The following OVCH2 variants were observed in gnomAD, a reference collection of about 807,000 sequenced individuals.
The protein encoded by OVCH2 is ovochymase 2.
OVCH2 carries 88 observed loss-of-function variants against 73.7 expected under a neutral mutation model. That is an observed-to-expected ratio of 1.19 (90% confidence interval 1.01 to 1.43). The LOEUF (loss-of-function observed/expected upper bound fraction) is 1.43, where lower values mean the gene tolerates loss of function less well. Among genes scored for constraint, OVCH2 ranks in the 40% most tolerant of loss-of-function variants. The pLI is 0.00. For missense variants in OVCH2, 706 were observed against 674.5 expected, an observed-to-expected ratio of 1.05 and a Z score of -0.52; for synonymous variants, 265 against 234.5, an observed-to-expected ratio of 1.13 and a Z score of -1.19.
At chr11:7,682,221 C>G in the OVCH2 span, among the ~76,000 whole-genome samples, 1 of 152,238 alleles carries the variant, frequency 6.6e-6, no homozygotes, top group Non-Finnish European at 1.5e-5. Flanking sequence ...GATTCTCTGC[C>G]TTCTCCAACA....
downstream of OVCH2, among the ~76,000 whole-genome samples, chr11:7,685,857 C>T (rs1856136869): frequency 6.6e-6 from 1 of 152,162 alleles, no homozygotes; most frequent in South Asian, 2.1e-4. Flanking sequence ...CTTTCCAGAA[C>T]TGTTTTTCAG....
chr11:7,706,423 T>C lies in OVCH2; in HGVS notation c.-29A>G, dbSNP rs1038850326. On this transcript the variant is annotated 5_prime_UTR_variant, in exon 1 of 16. Coordinates refer to ENST00000533663, the MANE Select transcript of OVCH2 (RefSeq NM_198185.7). Reference sequence around the variant, plus strand: ...GAGACTCATAGTTTTTCCCTGAAATTTTAGAGAGACTAAAGCAAACAAAAA... The same window carrying C: ...GAGACTCATAGTTTTTCCCTGAAATCTTAGAGAGACTAAAGCAAACAAAAA... 2.6e-6 allele frequency: 4 copies of C among 1,547,842 alleles called. No homozygotes were observed. Among genetic ancestry groups the C allele is most frequent in the African/African-American group, 1.4e-5 (1 of 73,020 alleles).
At position 7,696,505 on chromosome 11, in the gene OVCH2, G is replaced by A. The variant is rs747008993; in HGVS notation, c.1101C>T (p.His367=). 34 of 1,613,850 alleles carry A rather than the reference G, an allele frequency of 2.1e-5. No individual in the cohort carries two copies. In the African/African-American group the frequency reaches 3.9e-4, roughly 18 times the overall value. The change falls in exon 10 of 16, where the codon CAC becomes CAT. Residue 367 remains histidine, a synonymous_variant. Coordinates refer to ENST00000533663, the MANE Select transcript of OVCH2 (RefSeq NM_198185.7). The stretch of plus-strand genomic sequence containing the variant: ...CTAAAGAATACATTGACAGGTAACT[G>A]TGGTGACAAGACTCAACATCTAGGT... ...FSHLDVESCH[H]SYLSMYSLED...
chr11:7,694,608 TTTTG>T (rs398115023), intron 12 of OVCH2, among the ~76,000 whole-genome samples: 2,278 of 74,730 alleles, frequency 0.03, 25 homozygotes, highest in Middle Eastern at 0.056. Context: ...AACACAAAGT[TTTTG>T]TTTTGTTTTG....
intron 12 of OVCH2, 82 bp from the exon 13 acceptor site, chr11:7,692,077 C>G: frequency 4.0e-6 from 4 of 1,011,584 alleles, no homozygotes; most frequent in Non-Finnish European, 6.0e-6. Flanking sequence ...ATTTGGATTG[C>G]TCAACTTGTT....
At chr11:7,702,664 G>T (rs1406407586) in intron 3 of OVCH2, among the ~76,000 whole-genome samples, 1 of 152,158 alleles carries the variant, frequency 6.6e-6, no homozygotes, top group African/African-American at 2.4e-5. Context: ...ACCCTGGGAG[G>T]TTGACCTGAC....
the OVCH2 span, among the ~76,000 whole-genome samples, chr11:7,682,507 G>A: frequency 6.6e-6 from 1 of 152,220 alleles, no homozygotes; most frequent in Non-Finnish European, 1.5e-5. Context: ...TGCACAGCCT[G>A]CAGTTTGATT....
chr11:7,691,927 G>A lies in OVCH2; in HGVS notation c.1482C>T (p.Ser494=), dbSNP rs1414723194. 3.8e-6 allele frequency: 6 copies of A among 1,573,458 alleles called. No homozygotes were observed. Among genetic ancestry groups the A allele is most frequent in the Non-Finnish European group, 5.2e-6 (6 of 1,157,714 alleles). ...DCTSDYVTVH[S]DVERKKEIAR... is the part of the protein sequence containing the mutation. ...CTATTTCCTTCTTCCTTTCTACATC[G>A]CTGTGCACTGTCACATAGTCGGAAG... The change falls in exon 13 of 16, where the codon AGC becomes AGT. Residue 494 remains serine (S), a synonymous_variant. Transcript: ENST00000533663.
chr11:7,689,759 C>A (rs1856183926), intron 15 of OVCH2, 157 bp from the exon 16 acceptor site: 7 of 687,880 alleles, frequency 1.0e-5, no homozygotes, highest in Non-Finnish European at 1.9e-5. Flanking sequence ...AACTGATTAA[C>A]TCTGTAACAA....
At chr11:7,701,931 C>T (rs1181869914) in intron 4 of OVCH2, 120 bp from the exon 5 acceptor site, 3 of 882,596 alleles carry the variant, frequency 3.4e-6, no homozygotes, top group African/African-American at 3.4e-5. Flanking sequence ...GATAGCTCTG[C>T]CTGGCACCTC....
Position 7,695,081 on chromosome 11 carries a change from C to CT in OVCH2, c.1389dup (p.Ala464SerfsTer8). ...ACCTTAATTAGGTGATGTTTGGAGGCTTGAAAAATCCAGTCACAGTTAGCC... is the reference window on the plus strand; with the variant it reads ...ACCTTAATTAGGTGATGTTTGGAGGCTTTGAAAAATCCAGTCACAGTTAGCC... On this transcript the variant is annotated frameshift_variant, in exon 12 of 16. Coordinates refer to ENST00000533663, the MANE Select transcript of OVCH2 (RefSeq NM_198185.7). LOFTEE classifies it high-confidence loss of function. The CT allele has an allele frequency of 1.3e-6, 2 of 1,551,150 alleles. No homozygotes were observed. Among genetic ancestry groups the CT allele is most frequent in the Non-Finnish European group, 1.7e-6 (2 of 1,146,846 alleles).
chr11:7,685,284 C>G (rs542729197), downstream of OVCH2, among the ~76,000 whole-genome samples: 1 of 151,964 alleles, frequency 6.6e-6, no homozygotes, highest in Non-Finnish European at 1.5e-5. Context: ...AGACTTGTAC[C>G]GAACTACGTG....
chr11:7,685,643 T>TGTC (rs541222397), downstream of OVCH2, among the ~76,000 whole-genome samples: 40,738 of 150,546 alleles, frequency 0.27, 7,261 homozygotes, highest in African/African-American at 0.52. Context: ...TCCCACCCGG[T>TGTC]CGGTGTCCAG....
chr11:7,686,756 C>T (rs1856145682), downstream of OVCH2, among the ~76,000 whole-genome samples: 5 of 152,116 alleles, frequency 3.3e-5, no homozygotes, highest in African/African-American at 1.2e-4. Flanking sequence ...TTTTTTAGAA[C>T]AGACCATTCA....
the OVCH2 span, among the ~76,000 whole-genome samples, chr11:7,681,473 T>A: frequency 6.6e-6 from 1 of 152,170 alleles, no homozygotes; most frequent in Non-Finnish European, 1.5e-5. Context: ...TTGAGACACC[T>A]GGAGTGGTCA....
rs1455668094 is a variant in OVCH2, at chr11:7,692,755, CTATGATGAGT to C, written c.1414-770_1414-761del. Among the ~76,000 whole-genome samples the C allele has an allele frequency of 5.3e-5, 8 of 152,288 alleles. No homozygotes were observed. In the East Asian group the frequency reaches 1.5e-3, roughly 29 times the overall value. ...CAAAATTCTTGAGTAGATTATTAAG[CTATGATGAGT>C]AATGACCTAGAAAAGAAAGTTGATC... On this transcript the variant is annotated intron_variant, in intron 12 of 15. Transcript: ENST00000533663.
At chr11:7,691,809 A>G (rs1292077931) in intron 13 of OVCH2, 93 bp downstream of exon 13, 3 of 943,380 alleles carry the variant, frequency 3.2e-6, no homozygotes, top group African/African-American at 3.3e-5. Flanking sequence ...GTGCAGGAAG[A>G]TGGAGGAAGA....
intron 7 of OVCH2, 75 bp downstream of exon 7, chr11:7,700,221 G>T: frequency 6.9e-7 from 1 of 1,446,136 alleles, no homozygotes; most frequent in Non-Finnish European, 9.5e-7. Flanking sequence ...GCTCTGATTT[G>T]CCAGGACTCT....
At position 7,701,770 on chromosome 11, in the gene OVCH2, G is replaced by A; in HGVS notation, c.505C>T (p.Gln169Ter). ...GTACAAATAAAACCAGCCTCAAATT[G>A]CTCCCGCAGCTCTGGAAGACATATG... ...GPICLPELRE[Q>*]FEAGFICTTA... The change falls in exon 5 of 16, where the codon CAA becomes TAA. Residue 169 changes from glutamine to a stop codon, truncating the protein, a stop_gained. Coordinates refer to ENST00000533663, the MANE Select transcript of OVCH2 (RefSeq NM_198185.7). LOFTEE classifies it high-confidence loss of function. 1 of 1,612,328 alleles carries A rather than the reference G, an allele frequency of 6.2e-7. No individual in the cohort carries two copies. The highest frequency in any genetic ancestry group is 8.5e-7 in the Non-Finnish European group (1 of 1,179,354).
Sources: allele counts gnomAD v4.1 joint callset (sites outside exome capture counted in the v4.1 genomes callset), GRCh38; gene constraint gnomAD v4.1.1; transcripts MANE v1.5; gene names NCBI Gene and HGNC (gene_info 2026-07-23, HGNC 2026-07-21).